MEF2C: variants seen among roughly 807,000 people sequenced by gnomAD.
The protein encoded by MEF2C is myocyte enhancer factor 2C, also known as myocyte-specific enhancer factor 2C.
A neutral mutation model predicts 50.5 loss-of-function variants in MEF2C; 6 were observed. The ratio of observed to expected loss-of-function variants is 0.12; its 90% CI spans 0.07 to 0.23. The LOEUF (loss-of-function observed/expected upper bound fraction) is 0.23. Ranked by LOEUF, MEF2C falls within the 10% of genes least tolerant of loss-of-function variation. The pLI is 1.00. For missense variants in MEF2C, 276 were observed against 605.0 expected (o/e 0.46, Z 5.70); for synonymous variants, 183 against 228.0 (o/e 0.80, Z 1.78).
At chr5:88,731,988 A>T (rs1761878875) in intron 6 of MEF2C, 87 bp from the exon 7 acceptor site, 1 of 1,243,174 alleles carries the variant, frequency 8.0e-7, no homozygotes, top group African/African-American at 1.5e-5. Context: ...ATAAAAACAA[A>T]AGCTTAATGG....
chr5:88,768,693 C>G, intron 3 of MEF2C: 1 of 985,164 alleles, frequency 1.0e-6, no homozygotes, highest in Non-Finnish European at 1.2e-6. Flanking sequence ...AAAGAATGTT[C>G]AAATGTTAGA....
intron 1 of MEF2C, among the ~76,000 whole-genome samples, chr5:88,846,787 A>T (rs1367073672): frequency 6.6e-6 from 1 of 152,240 alleles, no homozygotes. Context: ...TCCAAAATAT[A>T]GATGGAAGAG....
At chr5:88,743,125 T>G in intron 6 of MEF2C, 10 of 940,356 alleles carry the variant, frequency 1.1e-5, no homozygotes, top group Non-Finnish European at 1.3e-5. Context: ...TTTCATTTGC[T>G]GCTTAATAAT....
chr5:88,790,579 A>G (rs1793278958), intron 3 of MEF2C, among the ~76,000 whole-genome samples: 1 of 152,170 alleles, frequency 6.6e-6, no homozygotes, highest in African/African-American at 2.4e-5. Context: ...TTCCACCAGC[A>G]CCACAAGCAA....
chr5:88,723,488 C>T (rs769302818), intron 10 of MEF2C, among the ~76,000 whole-genome samples: 5 of 152,122 alleles, frequency 3.3e-5, no homozygotes, highest in Non-Finnish European at 7.3e-5. Context: ...TCAAATGCTG[C>T]ACAATAACTG....
intron 1 of MEF2C, among the ~76,000 whole-genome samples, chr5:88,890,103 G>T (rs1834379684): frequency 6.6e-6 from 1 of 152,192 alleles, no homozygotes; most frequent in Non-Finnish European, 1.5e-5. Context: ...TATAGTCTGA[G>T]CTCTCAGCAT....
chr5:88,742,974 C>T lies in MEF2C; in HGVS notation c.637+6096G>A, dbSNP rs192497005. On this transcript the variant is annotated intron_variant, in intron 6 of 10. Coordinates refer to ENST00000504921, the MANE Select transcript of MEF2C (RefSeq NM_002397.5). ...AATTTCATAAATAATAATAATAAAG[C>T]AATGCCGTTAGTTATTTACTTATGT... The T allele has an allele frequency of 6.2e-6, 6 of 972,736 alleles. No homozygotes were observed. In the African/African-American group the frequency reaches 1.1e-4, roughly 17 times the overall value. 60.3% of individuals were successfully genotyped at this position (972,736 alleles called of 1,614,324 possible). A position where few individuals can be genotyped will look rare whatever the true frequency, so the allele number is the denominator to read the frequency against.
chr5:88,887,960 A>G (rs1221323582), upstream of MEF2C, among the ~76,000 whole-genome samples: 1 of 152,230 alleles, frequency 6.6e-6, no homozygotes, highest in Non-Finnish European at 1.5e-5. Context: ...CTGTACCTTC[A>G]GTTTTATATC....
At chr5:88,855,831 C>G (rs537882107) in intron 1 of MEF2C, among the ~76,000 whole-genome samples, 2 of 152,098 alleles carry the variant, frequency 1.3e-5, no homozygotes, top group African/African-American at 4.8e-5. Context: ...TATAAATTAC[C>G]CAGTCTCAGG....
intron 1 of MEF2C, among the ~76,000 whole-genome samples, chr5:88,837,501 C>T (rs1244728600): frequency 6.6e-6 from 1 of 152,150 alleles, no homozygotes; most frequent in Non-Finnish European, 1.5e-5. Context: ...CAGTTGGGTT[C>T]GCTAGCTGCA....
intron 1 of MEF2C, among the ~76,000 whole-genome samples, chr5:88,834,171 G>T (rs1814131370): frequency 6.6e-6 from 1 of 152,104 alleles, no homozygotes; most frequent in Admixed American, 6.6e-5. Context: ...ACAGTTAAAT[G>T]TCAGAAATGA....
chr5:88,819,893 A>G, intron 2 of MEF2C, among the ~76,000 whole-genome samples: 1 of 151,960 alleles, frequency 6.6e-6, no homozygotes, highest in East Asian at 1.9e-4. Flanking sequence ...AATATTTGCT[A>G]TGTGGTCCTT....
chr5:88,846,703 T>G (rs533609777), intron 1 of MEF2C, among the ~76,000 whole-genome samples: 1 of 152,288 alleles, frequency 6.6e-6, no homozygotes, highest in African/African-American at 2.4e-5. Flanking sequence ...TGGAGCTGCC[T>G]TCTTCTTTTT....
chr5:88,843,605 G>A (rs556154396), intron 1 of MEF2C: 4 of 293,440 alleles, frequency 1.4e-5, no homozygotes, highest in Admixed American at 6.5e-5. Flanking sequence ...TAATATATAT[G>A]TTTCTTCTAT....
At chr5:88,755,722 G>T (rs1361640719) in intron 4 of MEF2C, among the ~76,000 whole-genome samples, 1 of 152,128 alleles carries the variant, frequency 6.6e-6, no homozygotes, top group Admixed American at 6.5e-5. Flanking sequence ...CTGTTAATAG[G>T]TATCTAAGGA....
chr5:88,859,429 T>C (rs557405724), intron 1 of MEF2C, among the ~76,000 whole-genome samples: 1 of 152,322 alleles, frequency 6.6e-6, no homozygotes, highest in Admixed American at 6.5e-5. Context: ...GTAGCACAGA[T>C]TAGGCTTTTT....
chr5:88,866,846 C>G (rs978165233), intron 1 of MEF2C, among the ~76,000 whole-genome samples: 1 of 152,146 alleles, frequency 6.6e-6, no homozygotes, highest in Non-Finnish European at 1.5e-5. Context: ...TACTGAATAA[C>G]TCCTGAAATC....
chr5:88,739,067 C>T, intron 6 of MEF2C: 1 of 984,606 alleles, frequency 1.0e-6, no homozygotes, highest in Non-Finnish European at 1.2e-6. Context: ...TACTTACTTA[C>T]TGTCAATTTA....
chr5:88,846,802 A>ATTT (rs1466012087), intron 1 of MEF2C, among the ~76,000 whole-genome samples: 66 of 152,356 alleles, frequency 4.3e-4, no homozygotes, highest in Non-Finnish European at 3.5e-4. Context: ...GAAGAGTTTC[A>ATTT]TTCCACCAAC....
Sources: gnomAD v4.1 joint callset for allele counts (sites outside exome capture counted in the v4.1 genomes callset) on GRCh38, gnomAD v4.1.1 for gene constraint, MANE v1.5 for transcripts, NCBI Gene and HGNC (gene_info 2026-07-23, HGNC 2026-07-21) for gene names.